The following GPAM variants were observed in gnomAD, a reference collection of about 807,000 sequenced individuals.
The protein encoded by GPAM is glycerol-3-phosphate acyltransferase, mitochondrial.
A neutral mutation model predicts 105.0 loss-of-function variants in GPAM; 56 were observed. The ratio of observed to expected loss-of-function variants is 0.53; its 90% CI spans 0.43 to 0.67. The LOEUF is 0.67. GPAM is among the 30% of genes least tolerant of loss of function. The pLI is 0.00. For synonymous variants in GPAM, 368 were observed against 354.4 expected (o/e 1.04, Z -0.43); for missense variants, 855 against 989.8 (o/e 0.86, Z 1.83).
At chr10:112,193,511 G>A (rs967715110) in intron 1 of GPAM, among the ~76,000 whole-genome samples, 1 of 152,200 alleles carries the variant, frequency 6.6e-6, no homozygotes, top group African/African-American at 2.4e-5. Flanking sequence ...ACAGGCAGAT[G>A]ATGGGCCCGT....
chr10:112,186,387 G>A (rs375363583), upstream of GPAM, among the ~76,000 whole-genome samples: 38 of 151,572 alleles, frequency 2.5e-4, 1 homozygote, highest in African/African-American at 7.7e-4. Flanking sequence ...CAGCAGGACC[G>A]TTCTATAAGC....
At chr10:112,193,853 T>C (rs942572122) in intron 1 of GPAM, among the ~76,000 whole-genome samples, 2 of 152,210 alleles carry the variant, frequency 1.3e-5, no homozygotes, top group African/African-American at 4.8e-5. Flanking sequence ...AACATACTTC[T>C]TGCAGATACT....
intron 14 of GPAM, among the ~76,000 whole-genome samples, chr10:112,162,680 GA>G (rs1847143377): frequency 1.3e-5 from 2 of 151,852 alleles, no homozygotes; most frequent in South Asian, 4.2e-4. Flanking sequence ...TATTTATAAA[GA>G]ATTTTTAAAT....
chr10:112,173,124 A>T, intron 7 of GPAM, 58 bp from the exon 8 acceptor site: 1 of 936,690 alleles, frequency 1.1e-6, no homozygotes, highest in Non-Finnish European at 1.8e-6. Context: ...ATTTTTACAT[A>T]CAAGCACATA....
intron 1 of GPAM, among the ~76,000 whole-genome samples, chr10:112,195,992 C>T (rs1408123288): frequency 1.3e-5 from 2 of 152,116 alleles, no homozygotes; most frequent in Admixed American, 1.3e-4. Flanking sequence ...GTAGAGAAAA[C>T]ATGTGACTAC....
intron 15 of GPAM, 102 bp from the exon 16 acceptor site, chr10:112,160,970 C>A: frequency 2.1e-6 from 2 of 943,186 alleles, no homozygotes; most frequent in South Asian, 1.4e-5. Flanking sequence ...GGCTTTCCTG[C>A]AGCTCACTGC....
At chr10:112,159,011 T>G (rs531934111) in intron 17 of GPAM, among the ~76,000 whole-genome samples, 1 of 152,170 alleles carries the variant, frequency 6.6e-6, no homozygotes, top group Admixed American at 6.5e-5. Context: ...TCAAGACACA[T>G]TCATACAAAA....
chr10:112,172,086 T>C, intron 9 of GPAM, 96 bp downstream of exon 9: 1 of 947,344 alleles, frequency 1.1e-6, no homozygotes, highest in Non-Finnish European at 1.7e-6. Flanking sequence ...GCTAATGTCA[T>C]CTTTACAATA....
At chr10:112,171,384 C>T (rs1481437786) in intron 9 of GPAM, among the ~76,000 whole-genome samples, 1 of 152,184 alleles carries the variant, frequency 6.6e-6, no homozygotes, top group Admixed American at 6.5e-5. Context: ...TTATCTTCTG[C>T]CTGAACTATC....
intron 5 of GPAM, among the ~76,000 whole-genome samples, chr10:112,176,634 T>C (rs1847410309): frequency 6.6e-6 from 1 of 152,194 alleles, no homozygotes; most frequent in Non-Finnish European, 1.5e-5. Context: ...GCCCAATATA[T>C]TAAATGTTAA....
rs1435902762 is a variant in GPAM, at chr10:112,158,327, T to C, written c.1969A>G (p.Thr657Ala). Residue 657 changes from threonine (T) to alanine (A), a missense_variant, in exon 18 of 22, where the codon ACA (threonine) becomes GCA (alanine). By Grantham distance (58) the Thr-to-Ala change is moderately conservative. Coordinates refer to ENST00000348367, the MANE Select transcript of GPAM (RefSeq NM_001244949.2). The stretch of plus-strand genomic sequence containing the variant: ...GCTCTACCTCTTACCTCTGCCACTG[T>C]AAGAATGCCATACTGGATAAACTTT... Reference protein sequence around the residue: ...VGKFIQYGILTVAEHDDQEDI... With the variant: ...VGKFIQYGILAVAEHDDQEDI... 3 of 1,579,764 alleles carry C rather than the reference T, an allele frequency of 1.9e-6. No individual in the cohort carries two copies. The highest frequency in any genetic ancestry group is 1.1e-5 in the South Asian group (1 of 90,402).
intron 1 of GPAM, among the ~76,000 whole-genome samples, chr10:112,203,209 G>A (rs1227818582): frequency 6.6e-6 from 1 of 152,180 alleles, no homozygotes; most frequent in African/African-American, 2.4e-5. Context: ...CTCTGGGGTA[G>A]CCCTAGGTAT....
intron 1 of GPAM, among the ~76,000 whole-genome samples, chr10:112,190,676 G>A (rs1023771113): frequency 6.6e-6 from 1 of 152,124 alleles, no homozygotes; most frequent in Admixed American, 6.5e-5. Context: ...AGGATGACTG[G>A]AATAGCATAG....
intron 1 of GPAM, among the ~76,000 whole-genome samples, chr10:112,212,806 G>A (rs1847926974): frequency 6.6e-6 from 1 of 152,196 alleles, no homozygotes; most frequent in Admixed American, 6.5e-5. Context: ...GGAAATATGA[G>A]ATCAGCCAGG....
rs1055973931 is a variant in GPAM, at chr10:112,150,452, T to C, written c.*3098A>G. ...ATTATAATTTTCTGTGCTTATTTTC[T>C]GCAGGGGAGGAAATACACATCTATT... is the stretch of plus-strand genomic sequence containing the variant. On this transcript the variant is annotated 3_prime_UTR_variant, in exon 22 of 22. Transcript: ENST00000348367. 6 of 985,706 alleles carry C rather than the reference T, an allele frequency of 6.1e-6. No individual in the cohort carries two copies. The African/African-American group carries it at 1.0e-4, about 17-fold the overall frequency. The allele number at this position is 985,706 out of a possible 1,614,324, so 61.1% of individuals were successfully genotyped here.
At position 112,151,196 on chromosome 10, in the gene GPAM, T is replaced by C; in HGVS notation, c.*2354A>G. 1.0e-6 allele frequency: 1 copy of C among 984,190 alleles called. No individual in the cohort carries two copies. Among genetic ancestry groups the C allele is most frequent in the Non-Finnish European group, 1.2e-6 (1 of 828,448 alleles). 61.0% of individuals were successfully genotyped at this position (984,190 alleles called of 1,614,324 possible). On this transcript the variant is annotated 3_prime_UTR_variant, in exon 22 of 22. Transcript: ENST00000348367. Reference sequence around the variant, plus strand: ...TACAGAAATGCGATAGAGTAAACTGTAATAAATTATTTACAAGCACCTAGT... The same window carrying C: ...TACAGAAATGCGATAGAGTAAACTGCAATAAATTATTTACAAGCACCTAGT...
In GPAM at chr10:112,153,287, G is replaced by T; in HGVS notation, c.*263C>A. On this transcript the variant is annotated 3_prime_UTR_variant, in exon 22 of 22. Coordinates refer to ENST00000348367, the MANE Select transcript of GPAM (RefSeq NM_001244949.2). The stretch of plus-strand genomic sequence containing the variant: ...TTAATAAACTCAAAAATAATTTATT[G>T]AGATTTCATCTTGTAGTCTACGGAT... 1 of 1,282,374 alleles carries T rather than the reference G, an allele frequency of 7.8e-7. No individual in the cohort carries two copies. Among genetic ancestry groups the T allele is most frequent in the Non-Finnish European group, 9.9e-7 (1 of 1,007,902 alleles). The allele number at this position is 1,282,374 out of a possible 1,614,324, so 79.4% of individuals were successfully genotyped here. A position where few individuals can be genotyped will look rare whatever the true frequency, so the allele number is the denominator to read the frequency against.
chr10:112,173,066 T>C lies in GPAM; in HGVS notation c.561A>G (p.Arg187=). The change falls in exon 8 of 22, where the codon AGA becomes AGG. Residue 187 remains arginine, a splice_region_variant and synonymous_variant. Coordinates refer to ENST00000348367, the MANE Select transcript of GPAM (RefSeq NM_001244949.2). The part of the protein sequence containing the change: ...MVATVSPAMI[R]LTGWVLLKLF... ...GTTTTAGCAGCACCCACCCAGTCAG[T>C]CTGAAACAAAGTACAAACAAAAAAA... 6.4e-7 allele frequency: 1 copy of C among 1,571,382 alleles called. No homozygotes were observed. Among genetic ancestry groups the C allele is most frequent in the Non-Finnish European group, 8.8e-7 (1 of 1,141,198 alleles).
chr10:112,210,066 G>A lies in GPAM; in HGVS notation n.210+5102C>T, dbSNP rs189854772. 1.2e-4 allele frequency among the ~76,000 whole-genome samples: 19 copies of A among 152,346 alleles called. No homozygotes were observed. In the East Asian group the frequency reaches 2.7e-3, roughly 22 times the overall value. On this transcript the variant is annotated intron_variant and non_coding_transcript_variant, in intron 1 of 3. Transcript: ENST00000480130. ...AATTAGCACTGACTCAGCCTGACAC[G>A]CAGGGTCCCTGTTTTACGTCTGACG...
Sources: gnomAD v4.1 joint callset for allele counts (sites outside exome capture counted in the v4.1 genomes callset) on GRCh38, gnomAD v4.1.1 for gene constraint, MANE v1.5 for transcripts, NCBI Gene and HGNC (gene_info 2026-07-23, HGNC 2026-07-21) for gene names.